SLC30A10: variants seen among roughly 807,000 people sequenced by gnomAD.
SLC30A10 encodes the protein calcium/manganese antiporter SLC30A10.
A neutral mutation model predicts 21.7 loss-of-function variants in SLC30A10; 8 were observed. The observed-to-expected ratio is 0.37, with a 90% confidence interval of 0.22 to 0.67. SLC30A10 has a LOEUF of 0.67. Among genes scored for constraint, SLC30A10 ranks in the 30% least tolerant of loss-of-function variants. The pLI is 0.58. For missense variants in SLC30A10, 521 were observed against 642.5 expected (o/e 0.81, Z 2.04); for synonymous variants, 272 against 279.4 (o/e 0.97, Z 0.26).
intron 1 of SLC30A10, among the ~76,000 whole-genome samples, chr1:219,948,191 G>A (rs1488499408): frequency 8.0e-5 from 12 of 150,586 alleles, no homozygotes. Flanking sequence ...ACTGCCCAAG[G>A]TAATTTATAG....
intron 1 of SLC30A10, among the ~76,000 whole-genome samples, chr1:219,956,222 G>C (rs1420455942): frequency 6.6e-6 from 1 of 151,616 alleles, no homozygotes; most frequent in African/African-American, 2.4e-5. Context: ...CCTGGCTGAA[G>C]TGCAGTGGTG....
At chr1:219,921,153 T>G (rs1461531200) in intron 2 of SLC30A10, among the ~76,000 whole-genome samples, 1 of 152,250 alleles carries the variant, frequency 6.6e-6, no homozygotes. Context: ...TTTCTTTGTC[T>G]TATATATAAG....
At chr1:219,922,117 TAATTTTTTTACTTTTTAAAAG>T (rs1267996366) in intron 2 of SLC30A10, among the ~76,000 whole-genome samples, 1 of 150,228 alleles carries the variant, frequency 6.7e-6, no homozygotes, top group Non-Finnish European at 1.5e-5. Context: ...CTGCACTGGT[TAATTTTTTTACTTTTTAAAAG>T]AATTTTTTTA....
chr1:219,945,013 C>A (rs1404972394), intron 1 of SLC30A10, among the ~76,000 whole-genome samples: 1 of 152,080 alleles, frequency 6.6e-6, no homozygotes, highest in African/African-American at 2.4e-5. Flanking sequence ...ACAACTGATA[C>A]ATGCAACAAG....
intron 3 of SLC30A10, among the ~76,000 whole-genome samples, chr1:219,917,696 T>C (rs146048323): frequency 0.054 from 8,028 of 148,990 alleles, 296 homozygotes; most frequent in Non-Finnish European, 0.078. Context: ...ATTCTTTTCT[T>C]TTTTTTCTTT....
At chr1:219,951,365 A>G (rs902661512) in intron 1 of SLC30A10, among the ~76,000 whole-genome samples, 3 of 152,192 alleles carry the variant, frequency 2.0e-5, no homozygotes, top group Non-Finnish European at 2.9e-5. Flanking sequence ...AGGACGTTCC[A>G]GAACATGTAT....
intron 2 of SLC30A10, among the ~76,000 whole-genome samples, chr1:219,926,011 T>TA (rs1571799929): frequency 6.6e-6 from 1 of 151,038 alleles, no homozygotes. Flanking sequence ...TAAAGGATGA[T>TA]TTTTTTTTCA....
chr1:219,925,076 C>T (rs1328087135), intron 2 of SLC30A10, among the ~76,000 whole-genome samples: 1 of 152,186 alleles, frequency 6.6e-6, no homozygotes, highest in Non-Finnish European at 1.5e-5. Flanking sequence ...AGGCATTCTA[C>T]TACTGACATT....
intron 1 of SLC30A10, 132 bp downstream of exon 1, chr1:219,927,669 C>T (rs879228343): frequency 3.1e-6 from 1 of 321,488 alleles, no homozygotes; most frequent in Non-Finnish European, 4.4e-6. Context: ...AAAAAAAAAA[C>T]AACAACAACA....
Position 219,913,100 on chromosome 1 carries a change from A to C in SLC30A10, c.*2349T>G, listed in dbSNP as rs1364717484. ...GCAGGACAATTAAAGAGAGAGTGAAACCCAAGTGAAAATAGCATACAGCAG... is the reference window on the plus strand; with the variant it reads ...GCAGGACAATTAAAGAGAGAGTGAACCCCAAGTGAAAATAGCATACAGCAG... On this transcript the variant is annotated 3_prime_UTR_variant, in exon 4 of 4. Coordinates refer to ENST00000366926, the MANE Select transcript of SLC30A10 (RefSeq NM_018713.3). Among the ~76,000 whole-genome samples, 1 of 152,240 alleles carries C rather than the reference A, an allele frequency of 6.6e-6. No homozygotes were observed. Among genetic ancestry groups the C allele is most frequent in the African/African-American group, 2.4e-5 (1 of 41,466 alleles).
intron 1 of SLC30A10, among the ~76,000 whole-genome samples, chr1:219,949,607 G>C (rs113193317): frequency 1.1e-4 from 16 of 151,940 alleles, no homozygotes; most frequent in South Asian, 4.2e-4. Context: ...GGGACTGTTG[G>C]GGGGAGCGGG....
chr1:219,917,053 C>G (rs549043715), intron 3 of SLC30A10, among the ~76,000 whole-genome samples: 1 of 150,838 alleles, frequency 6.6e-6, no homozygotes, highest in South Asian at 2.1e-4. Context: ...TCTCTACAGC[C>G]TCAAACTCCA....
chr1:219,931,427 C>T, upstream of SLC30A10, among the ~76,000 whole-genome samples: 1 of 42,246 alleles, frequency 2.4e-5, no homozygotes, highest in South Asian at 6.7e-4. Context: ...TGTACTAAAA[C>T]TACACACACA....
At chr1:219,942,873 C>T (rs147859736) in intron 1 of SLC30A10, among the ~76,000 whole-genome samples, 6 of 152,184 alleles carry the variant, frequency 3.9e-5, no homozygotes, top group African/African-American at 9.6e-5. Flanking sequence ...GATAAAACCC[C>T]ATCTCTACTG....
chr1:219,928,602 G>C, upstream of SLC30A10: 227 of 441,782 alleles, frequency 5.1e-4, no homozygotes, highest in Middle Eastern at 1.4e-3. The surrounding 1 kb of genome is among the most constrained non-coding windows in gnomAD (Gnocchi z 6.3). Context: ...GCGAGGCCGA[G>C]CGCCACCAGT....
chr1:219,921,678 A>T, intron 2 of SLC30A10, among the ~76,000 whole-genome samples: 1 of 151,878 alleles, frequency 6.6e-6, no homozygotes, highest in South Asian at 2.1e-4. Flanking sequence ...ATTATAATTA[A>T]TTTTCTACTA....
chr1:219,934,282 C>T (rs1482253941), intron 1 of SLC30A10, among the ~76,000 whole-genome samples: 5 of 151,754 alleles, frequency 3.3e-5, no homozygotes, highest in African/African-American at 4.8e-5. Flanking sequence ...AGCAAAACTC[C>T]GTCTCACACA....
At chr1:219,932,732 T>TTC (rs1659987005), upstream of SLC30A10, among the ~76,000 whole-genome samples, 6 of 139,268 alleles carry the variant, frequency 4.3e-5, no homozygotes, top group Non-Finnish European at 9.1e-5. Context: ...TTTTTTTTTT[T>TTC]AGTGATGGAG....
chr1:219,922,174 GTGTTTTTTTTTTTTTTTTTTTTTTTTT>G (rs1659705833), intron 2 of SLC30A10, among the ~76,000 whole-genome samples: 1 of 18,218 alleles, frequency 5.5e-5, no homozygotes, highest in African/African-American at 2.2e-4. Flanking sequence ...GTGTGTGTGT[GTGTTTTTTTTTTTTTTTTTTTTTTTTT>G]TTTTTTTTTT....
Sources: allele counts gnomAD v4.1 joint callset (sites outside exome capture counted in the v4.1 genomes callset), GRCh38; gene constraint gnomAD v4.1.1; non-coding constraint Gnocchi (gnomAD v3.1); transcripts MANE v1.5; gene names NCBI Gene and HGNC (gene_info 2026-07-23, HGNC 2026-07-21).